Variants in PDE7B observed in about 807,000 individuals in gnomAD.
PDE7B encodes the protein 3',5'-cyclic-AMP phosphodiesterase 7B.
In PDE7B, 29 loss-of-function variants were observed where a neutral mutation model predicts 56.2. The ratio of observed to expected loss-of-function variants is 0.52; its 90% CI spans 0.38 to 0.70. The LOEUF (loss-of-function observed/expected upper bound fraction) is 0.70. Among genes scored for constraint, PDE7B ranks in the 30% least tolerant of loss-of-function variants. The probability of loss-of-function intolerance (pLI) is 0.00; values close to 1 mark genes in which losing one functional copy is unlikely to be tolerated. For synonymous variants in PDE7B, 197 were observed against 196.9 expected, an observed-to-expected ratio of 1.00 and a Z score of 0.00; for missense variants, 490 against 565.0, an observed-to-expected ratio of 0.87 and a Z score of 1.35.
chr6:136,075,844 G>T (rs1216253240), intron 2 of PDE7B, among the ~76,000 whole-genome samples: 6 of 152,092 alleles, frequency 3.9e-5, no homozygotes, highest in Non-Finnish European at 5.9e-5. Flanking sequence ...GCAAAATCTA[G>T]CCCTAACGAC....
At chr6:135,858,684 G>T (rs1053725828) in intron 1 of PDE7B, among the ~76,000 whole-genome samples, 19 of 152,014 alleles carry the variant, frequency 1.2e-4, no homozygotes, top group Non-Finnish European at 2.9e-5. Context: ...CAAGCTCAAA[G>T]TTCCTTTGAT....
At chr6:135,973,967 A>C (rs1775138480) in intron 2 of PDE7B, among the ~76,000 whole-genome samples, 1 of 152,184 alleles carries the variant, frequency 6.6e-6, no homozygotes, top group African/African-American at 2.4e-5. Flanking sequence ...GTCTCCATGT[A>C]CTAGGGGTCC....
chr6:136,126,948 A>G (rs1395462480), intron 3 of PDE7B, among the ~76,000 whole-genome samples: 1 of 152,170 alleles, frequency 6.6e-6, no homozygotes, highest in African/African-American at 2.4e-5. Flanking sequence ...TAACCTATGG[A>G]AATAAAAATT....
chr6:136,150,427 G>A (rs1284554465), intron 5 of PDE7B, among the ~76,000 whole-genome samples: 2 of 152,084 alleles, frequency 1.3e-5, no homozygotes, highest in Non-Finnish European at 2.9e-5. Context: ...TTCTGCATGT[G>A]GATATCCCAC....
intron 1 of PDE7B, among the ~76,000 whole-genome samples, chr6:135,925,794 G>A (rs1774173243): frequency 6.6e-6 from 1 of 152,130 alleles, no homozygotes. Flanking sequence ...TAGTGTTTCT[G>A]AAAGGCACTA....
At chr6:136,171,633 A>G (rs554009020) in intron 8 of PDE7B, among the ~76,000 whole-genome samples, 1 of 151,520 alleles carries the variant, frequency 6.6e-6, no homozygotes, top group Admixed American at 6.6e-5. Flanking sequence ...TCACTGCTTC[A>G]CTTTTTTTTT....
chr6:136,146,460 G>C (rs1007789316), intron 3 of PDE7B, among the ~76,000 whole-genome samples: 3 of 152,090 alleles, frequency 2.0e-5, no homozygotes, highest in Admixed American at 2.0e-4. Context: ...GATTTTTATG[G>C]CAACCAGTAA....
At chr6:135,994,606 G>A (rs1462571703) in intron 2 of PDE7B, among the ~76,000 whole-genome samples, 6 of 152,142 alleles carry the variant, frequency 3.9e-5, no homozygotes, top group South Asian at 2.1e-4. Context: ...CTCAAAATCC[G>A]ATTGGAAGAG....
intron 2 of PDE7B, among the ~76,000 whole-genome samples, chr6:136,018,686 T>A (rs910723920): frequency 8.5e-5 from 13 of 152,206 alleles, no homozygotes; most frequent in South Asian, 4.1e-4. Flanking sequence ...TTATGTTTTT[T>A]AAATATATTT....
At chr6:136,065,484 G>A (rs1370194731) in intron 2 of PDE7B, among the ~76,000 whole-genome samples, 1 of 152,160 alleles carries the variant, frequency 6.6e-6, no homozygotes, top group Admixed American at 6.5e-5. Flanking sequence ...GAGTGAGAAG[G>A]CATCACAAAG....
intron 3 of PDE7B, among the ~76,000 whole-genome samples, chr6:136,125,569 T>TA (rs1314201742): frequency 3.3e-5 from 5 of 151,300 alleles, no homozygotes; most frequent in Admixed American, 2.6e-4. Flanking sequence ...ATCCTGTCCC[T>TA]AAAAAAAATA....
chr6:135,995,490 G>C (rs1319117439), intron 2 of PDE7B, among the ~76,000 whole-genome samples: 1 of 152,210 alleles, frequency 6.6e-6, no homozygotes, highest in Non-Finnish European at 1.5e-5. Context: ...AGACACTGAT[G>C]AGTATGAGTC....
At chr6:136,156,161 A>ATGTGTGTG in intron 8 of PDE7B, 1 of 240,240 alleles carries the variant, frequency 4.2e-6, no homozygotes, top group Non-Finnish European at 7.7e-6. Context: ...AGAATGATCC[A>ATGTGTGTG]AGTGTGTGTG....
At chr6:135,934,429 A>T (rs1774352662) in intron 1 of PDE7B, among the ~76,000 whole-genome samples, 2 of 151,678 alleles carry the variant, frequency 1.3e-5, no homozygotes, top group African/African-American at 4.8e-5. Flanking sequence ...TGCTGTTTAA[A>T]ATATATATAT....
intron 1 of PDE7B, among the ~76,000 whole-genome samples, chr6:135,942,350 A>G (rs1583786181): frequency 9.1e-6 from 1 of 110,072 alleles, no homozygotes; most frequent in African/African-American, 3.4e-5. Context: ...AGGTGCAGTA[A>G]TTTTTATTAT....
rs1426933673 is a variant in PDE7B at position 135,851,848 on chromosome 6, CCTTTTTTTT to C, written c.-141_-133del. On this transcript the variant is annotated 5_prime_UTR_variant, in exon 1 of 13. Coordinates refer to ENST00000308191, the MANE Select transcript of PDE7B (RefSeq NM_018945.4). ...GCTTTTGTGTTTCTTTATTTCTTTT[CCTTTTTTTT>C]CTTTTTTTTTTTTTGTTACTTAATT... 3.1e-6 allele frequency: 2 copies of C among 648,526 alleles called. No homozygotes were observed. Among genetic ancestry groups the C allele is most frequent in the African/African-American group, 1.9e-5 (1 of 52,726 alleles). 40.2% of individuals were successfully genotyped at this position (648,526 alleles called of 1,614,324 possible).
At chr6:136,021,298 C>T (rs191817169) in intron 2 of PDE7B, among the ~76,000 whole-genome samples, 285 of 152,328 alleles carry the variant, frequency 1.9e-3, no homozygotes, top group African/African-American at 6.6e-3. Flanking sequence ...AGAGCCGCTG[C>T]TCTTTTTCCT....
chr6:136,071,870 T>C (rs62429959), intron 2 of PDE7B, among the ~76,000 whole-genome samples: 1 of 152,230 alleles, frequency 6.6e-6, no homozygotes, highest in Admixed American at 6.5e-5. Context: ...CCTAACAAGG[T>C]ACACAGTGCA....
At chr6:135,925,865 T>C (rs1774175232) in intron 1 of PDE7B, among the ~76,000 whole-genome samples, 1 of 152,228 alleles carries the variant, frequency 6.6e-6, no homozygotes, top group Non-Finnish European at 1.5e-5. Context: ...TTTTAAAAAA[T>C]GTTTTGCCCT....
Sources: allele counts gnomAD v4.1 joint callset (sites outside exome capture counted in the v4.1 genomes callset), GRCh38; gene constraint gnomAD v4.1.1; transcripts MANE v1.5; gene names NCBI Gene and HGNC (gene_info 2026-07-23, HGNC 2026-07-21).